The following PCDH11X variants were observed in gnomAD, a reference collection of about 807,000 sequenced individuals.
PCDH11X encodes the protein protocadherin-11 X-linked.
PCDH11X carries 18 observed loss-of-function variants against 53.3 expected under a neutral mutation model. The ratio of observed to expected loss-of-function variants is 0.34; its 90% confidence interval spans 0.23 to 0.50. PCDH11X has a LOEUF of 0.50. PCDH11X is among the 20% of genes least tolerant of loss of function. PCDH11X has a pLI of 0.98. For synonymous variants in PCDH11X, 279 were observed against 393.3 expected (o/e 0.71, Z 3.44); for missense variants, 570 against 1,032.4 (o/e 0.55, Z 6.14).
intron 10 of PCDH11X, among the ~76,000 whole-genome samples, chrX:92,501,580 G>A (rs754960656): frequency 8.0e-4 from 89 of 111,343 alleles, no homozygotes; most frequent in Non-Finnish European, 1.5e-3. Flanking sequence ...CAACATACGC[G>A]AATCAATAAA....
At chrX:92,314,696 A>G (rs1258381291) in intron 8 of PCDH11X, among the ~76,000 whole-genome samples, 2 of 110,536 alleles carry the variant, frequency 1.8e-5, no homozygotes, top group African/African-American at 6.6e-5. Context: ...CAGCTCCATT[A>G]TAATCTTATG....
intron 8 of PCDH11X, among the ~76,000 whole-genome samples, chrX:92,331,309 C>CTTATTA (rs1161896815): frequency 1.1e-5 from 1 of 91,900 alleles, no homozygotes. Context: ...TCTTCTTCTT[C>CTTATTA]TTCTTCTTCC....
intron 6 of PCDH11X, among the ~76,000 whole-genome samples, chrX:92,147,338 G>A (rs1418293015): frequency 2.8e-5 from 3 of 109,047 alleles, no homozygotes; most frequent in Non-Finnish European, 1.9e-5. Flanking sequence ...TGCCCATTGT[G>A]TGATTTTGTC....
intron 10 of PCDH11X, among the ~76,000 whole-genome samples, chrX:92,532,599 G>T (rs1442911848): frequency 4.6e-4 from 50 of 109,124 alleles, no homozygotes; most frequent in African/African-American, 1.6e-3. Context: ...TATTAAAAGG[G>T]ATGTAGGATA....
chrX:92,118,315 GA>G (rs915674375), intron 6 of PCDH11X, among the ~76,000 whole-genome samples: 4 of 107,727 alleles, frequency 3.7e-5, no homozygotes, highest in African/African-American at 1.4e-4. Flanking sequence ...AAGACATCAG[GA>G]AAAAAAGATG....
chrX:92,056,241 T>C (rs1225973438), intron 6 of PCDH11X, among the ~76,000 whole-genome samples: 1 of 111,684 alleles, frequency 9.0e-6, no homozygotes, highest in Non-Finnish European at 1.9e-5. Context: ...TGGTGTGAGA[T>C]GGTATTTCAT....
intron 10 of PCDH11X, among the ~76,000 whole-genome samples, chrX:92,569,971 G>A (rs1921995152): frequency 1.1e-5 from 1 of 88,360 alleles, no homozygotes; most frequent in Admixed American, 1.5e-4. Context: ...AGCCGAGATC[G>A]CACCATTGTA....
intron 6 of PCDH11X, among the ~76,000 whole-genome samples, chrX:92,181,532 T>C (rs2065997861): frequency 9.0e-6 from 1 of 111,641 alleles, no homozygotes; most frequent in African/African-American, 3.3e-5. Context: ...CCAGGGCACA[T>C]CAAGGACCTT....
rs1318874967 is a variant in PCDH11X at position 91,966,767 on chromosome X, A to G, written c.3033+87494A>G. On this transcript the variant is annotated intron_variant, in intron 6 of 10. Coordinates refer to ENST00000682573, the MANE Select transcript of PCDH11X (RefSeq NM_032968.5). The stretch of plus-strand genomic sequence containing the variant: ...TTAAAATAAATTTTATTGCATAAAA[A>G]AAAGAATAGTTTGTTGGGTGAAAGG... 1.3e-4 allele frequency among the ~76,000 whole-genome samples: 14 copies of G among 111,895 alleles called. No individual in the cohort carries two copies. In the East Asian group the frequency reaches 3.6e-3, roughly 29 times the overall value.
intron 8 of PCDH11X, among the ~76,000 whole-genome samples, chrX:92,272,605 G>A (rs1243222925): frequency 8.9e-6 from 1 of 112,404 alleles, no homozygotes; most frequent in Admixed American, 9.4e-5. Flanking sequence ...AAATTCTGCA[G>A]TCTAATGTTG....
chrX:92,525,095 T>A (rs955669456), intron 10 of PCDH11X, among the ~76,000 whole-genome samples: 1 of 111,842 alleles, frequency 8.9e-6, no homozygotes, highest in Non-Finnish European at 1.9e-5. Flanking sequence ...AACTTAAACC[T>A]CATTTTTATT....
At chrX:91,946,071 G>A (rs1358532136) in intron 6 of PCDH11X, among the ~76,000 whole-genome samples, 1 of 109,093 alleles carries the variant, frequency 9.2e-6, no homozygotes, top group Non-Finnish European at 1.9e-5. Flanking sequence ...GTGGTGAAAC[G>A]GAATACTCAG....
Position 92,077,622 on chromosome X carries a change from GAGGAAGGAAGGAAGGA to G in PCDH11X, c.3034-123720_3034-123705del, listed in dbSNP as rs768755254. 5.6e-3 allele frequency among the ~76,000 whole-genome samples: 537 copies of G among 96,160 alleles called. 1 individual carries two copies. Among genetic ancestry groups the G allele is most frequent in the African/African-American group, 0.019 (516 of 26,619 alleles). The allele number at this position is 96,160 out of a possible 115,157, so 83.5% of individuals were successfully genotyped here. A position where few individuals can be genotyped will look rare whatever the true frequency, so the allele number is the denominator to read the frequency against. On this transcript the variant is annotated intron_variant, in intron 6 of 10. Transcript: ENST00000682573. ...TGTTTCAAAAAAGAAGGAAGGAAGGGAGGAAGGAAGGAAGGAAGGAAGGAAGGAAGGAAGGAAGGAA... is the reference window on the plus strand; with the variant it reads ...TGTTTCAAAAAAGAAGGAAGGAAGGGAGGAAGGAAGGAAGGAAGGAAGGAA...
intron 8 of PCDH11X, among the ~76,000 whole-genome samples, chrX:92,280,263 A>G (rs1388909811): frequency 9.0e-6 from 1 of 111,590 alleles, no homozygotes; most frequent in Non-Finnish European, 1.9e-5. Flanking sequence ...ATGTATCTCC[A>G]TTGTCAGCCA....
At chrX:92,267,861 C>T (rs903397442) in intron 8 of PCDH11X, among the ~76,000 whole-genome samples, 2 of 112,113 alleles carry the variant, frequency 1.8e-5, no homozygotes, top group African/African-American at 6.5e-5. Context: ...GAAGGCATCA[C>T]ATGGTGTGAA....
At chrX:92,441,693 C>T (rs1294754838) in intron 9 of PCDH11X, among the ~76,000 whole-genome samples, 1 of 112,436 alleles carries the variant, frequency 8.9e-6, no homozygotes, top group African/African-American at 3.2e-5. Context: ...GCAGGAGCAG[C>T]ACCCTCATGA....
intron 5 of PCDH11X, among the ~76,000 whole-genome samples, chrX:91,836,897 A>G (rs1339406159): frequency 9.0e-6 from 1 of 111,003 alleles, no homozygotes; most frequent in Non-Finnish European, 1.9e-5. Flanking sequence ...TATGATATAA[A>G]GAGAAATAGA....
At chrX:92,037,499 A>G (rs1479315338) in intron 6 of PCDH11X, among the ~76,000 whole-genome samples, 26 of 111,657 alleles carry the variant, frequency 2.3e-4, no homozygotes, top group African/African-American at 7.8e-4. Context: ...TTGCTATTGT[A>G]AATAGTGCTG....
At chrX:91,992,083 G>C (rs1383252563) in intron 6 of PCDH11X, among the ~76,000 whole-genome samples, 2 of 107,677 alleles carry the variant, frequency 1.9e-5, no homozygotes, top group East Asian at 2.9e-4. Flanking sequence ...ATTTTTATGA[G>C]CTGGAGGGAT....
Sources: allele counts gnomAD v4.1 joint callset (sites outside exome capture counted in the v4.1 genomes callset), GRCh38; gene constraint gnomAD v4.1.1; transcripts MANE v1.5; gene names NCBI Gene and HGNC (gene_info 2026-07-23, HGNC 2026-07-21).